CHD6: variants seen among roughly 807,000 people sequenced by gnomAD.
The protein encoded by CHD6 is chromodomain helicase DNA binding protein 6, also known as ATP-dependent chromatin remodeler CHD6.
In CHD6, 50 loss-of-function variants were observed where a neutral mutation model predicts 276.9. That is an observed-to-expected ratio of 0.18 (90% CI 0.14 to 0.23). The LOEUF (loss-of-function observed/expected upper bound fraction) is 0.23. Ranked by LOEUF, CHD6 falls within the 10% of genes least tolerant of loss-of-function variation. The pLI is 1.00. For synonymous variants in CHD6, 1,173 were observed against 1,229.3 expected (o/e 0.95, Z 0.96); for missense variants, 2,564 against 3,365.8 (o/e 0.76, Z 5.89).
intron 5 of CHD6, among the ~76,000 whole-genome samples, chr20:41,504,077 C>CAAAAAA (rs1189323419): frequency 0.017 from 469 of 27,084 alleles, 70 homozygotes; most frequent in African/African-American, 0.052. Flanking sequence ...GACTCTGTCT[C>CAAAAAA]AAAAAAAAAA....
chr20:41,448,775 C>G (rs1427422321), intron 23 of CHD6, among the ~76,000 whole-genome samples: 1 of 152,102 alleles, frequency 6.6e-6, no homozygotes, highest in African/African-American at 2.4e-5. Flanking sequence ...GTAGAAAGTG[C>G]CACTGTGGGC....
chr20:41,407,453 G>A (rs1158138486), intron 36 of CHD6, among the ~76,000 whole-genome samples: 1 of 152,360 alleles, frequency 6.6e-6, no homozygotes, highest in East Asian at 1.9e-4. Context: ...TCTCTGGGCT[G>A]AGACTGGCCA....
chr20:41,439,976 G>T (rs768061031), intron 26 of CHD6, 24 bp downstream of exon 26: 1 of 1,612,596 alleles, frequency 6.2e-7, no homozygotes, highest in Non-Finnish European at 8.5e-7. Context: ...TGTCACATGA[G>T]GGCTGGCCTA....
In CHD6 at chr20:41,403,829, TG is replaced by T; in HGVS notation, c.*763del. ...TGTAGCTCTACGGAGCGCGGGTCCTTGCCCCACCCCCGTCGACAGCAATAAC... is the reference window on the plus strand; with the variant it reads ...TGTAGCTCTACGGAGCGCGGGTCCTTCCCCACCCCCGTCGACAGCAATAAC... On this transcript the variant is annotated 3_prime_UTR_variant, in exon 37 of 37. Coordinates refer to ENST00000373233, the MANE Select transcript of CHD6 (RefSeq NM_032221.5). The T allele has an allele frequency of 9.5e-7, 1 of 1,057,096 alleles. No homozygotes were observed. The highest frequency in any genetic ancestry group is 1.1e-6 in the Non-Finnish European group (1 of 874,134). 65.5% of individuals were successfully genotyped at this position (1,057,096 alleles called of 1,614,324 possible).
At position 41,455,946 on chromosome 20, in the gene CHD6, G is replaced by C; in HGVS notation, c.2863C>G (p.Leu955Val). 1 of 1,592,070 alleles carries C rather than the reference G, an allele frequency of 6.3e-7. No homozygotes were observed. Among genetic ancestry groups the C allele is most frequent in the Non-Finnish European group, 8.5e-7 (1 of 1,170,554 alleles). The stretch of plus-strand genomic sequence containing the variant: ...GCTCCATAAGCACCTTTCCGGAGTA[G>C]GTCCTCCACCTCCATTTTTGAGAGC... ...QQLSKMEVED[L>V]LRKGAYGALM... Residue 955 changes from leucine (L) to valine (V), a missense_variant, in exon 19 of 37, where the codon CTA (leucine) becomes GTA (valine). Around this residue, in one of 7 missense-constraint regions of CHD6, gnomAD observed 457 missense variants for 889.0 expected, o/e 0.51. Coordinates refer to ENST00000373233, the MANE Select transcript of CHD6 (RefSeq NM_032221.5).
At chr20:41,563,756 C>T (rs1461513223) in intron 1 of CHD6, among the ~76,000 whole-genome samples, 1 of 152,050 alleles carries the variant, frequency 6.6e-6, no homozygotes, top group Non-Finnish European at 1.5e-5. Context: ...TGTTGTTGGT[C>T]CCTATGTCAT....
intron 1 of CHD6, among the ~76,000 whole-genome samples, chr20:41,592,699 T>C (rs1206358633): frequency 1.3e-5 from 2 of 152,162 alleles, no homozygotes; most frequent in African/African-American, 2.4e-5. Context: ...AAGAAGTCCA[T>C]GACTAAGGGA....
chr20:41,413,446 A>C lies in CHD6; in HGVS notation c.7009T>G (p.Ser2337Ala). The part of the protein sequence containing the change: ...THPEGPGPAT[S>A]APEPATAASS... ...GCTGCCGTAGCTGGCTCAGGAGCCGAGGTGGCAGGCCCTGGCCCCTCAGGG... is the reference window on the plus strand; with the variant it reads ...GCTGCCGTAGCTGGCTCAGGAGCCGCGGTGGCAGGCCCTGGCCCCTCAGGG... The change falls in exon 35 of 37, where the codon TCG becomes GCG. Residue 2337 changes from serine to alanine, a missense_variant. Coordinates refer to ENST00000373233, the MANE Select transcript of CHD6 (RefSeq NM_032221.5). 6.2e-7 allele frequency: 1 copy of C among 1,611,372 alleles called. No homozygotes were observed.
chr20:41,608,324 G>T (rs1298341530), intron 1 of CHD6, among the ~76,000 whole-genome samples: 3 of 151,980 alleles, frequency 2.0e-5, no homozygotes, highest in African/African-American at 7.3e-5. Context: ...TATGAGAGAG[G>T]GATGTGCCAA....
intron 3 of CHD6, among the ~76,000 whole-genome samples, chr20:41,529,282 CAT>C (rs1395233385): frequency 6.6e-6 from 1 of 152,152 alleles, no homozygotes; most frequent in Non-Finnish European, 1.5e-5. Context: ...GGTATATATA[CAT>C]ATACATATCT....
At position 41,498,209 on chromosome 20, in the gene CHD6, A is replaced by G. The variant is rs2043735237; in HGVS notation, c.933T>C (p.Pro311=). 6.2e-7 allele frequency: 1 copy of G among 1,611,758 alleles called. No homozygotes were observed. The highest frequency in any genetic ancestry group is 8.5e-7 in the Non-Finnish European group (1 of 1,179,102). The change falls in exon 7 of 37, where the codon CCT becomes CCC. Residue 311 remains proline, a synonymous_variant. Transcript: ENST00000373233. ...CGTAGAACAGCTCCAAGTCGAACGG[A>G]GGTTCTCCTGGGTGAACCTGTAACA... ...KTVQEVHPGE[P]PFDLELFYVK...
chr20:41,512,022 T>C (rs2044130036), intron 5 of CHD6, among the ~76,000 whole-genome samples: 1 of 152,098 alleles, frequency 6.6e-6, no homozygotes, highest in Non-Finnish European at 1.5e-5. Flanking sequence ...GGCTGGAGTA[T>C]AATGACGCGA....
At chr20:41,508,927 T>C (rs1179774031) in intron 5 of CHD6, among the ~76,000 whole-genome samples, 1 of 152,208 alleles carries the variant, frequency 6.6e-6, no homozygotes, top group Non-Finnish European at 1.5e-5. Context: ...GTTTATATAA[T>C]GAGTTTTAAA....
At chr20:41,562,008 A>G (rs567711884) in intron 1 of CHD6, among the ~76,000 whole-genome samples, 2 of 152,106 alleles carry the variant, frequency 1.3e-5, no homozygotes, top group Admixed American at 1.3e-4. Flanking sequence ...TTATTTCTTC[A>G]TAATTCCCTC....
intron 17 of CHD6, among the ~76,000 whole-genome samples, chr20:41,459,808 G>A (rs2048488610): frequency 6.6e-6 from 1 of 152,210 alleles, no homozygotes; most frequent in African/African-American, 2.4e-5. Flanking sequence ...ACAGTAAATT[G>A]GTACCAGTAA....
intron 4 of CHD6, among the ~76,000 whole-genome samples, 156 bp from the exon 5 acceptor site, chr20:41,513,151 T>C (rs1459543856): frequency 6.6e-6 from 1 of 152,192 alleles, no homozygotes; most frequent in Non-Finnish European, 1.5e-5. Context: ...ATAAAAGGAC[T>C]AAATTCAGTC....
chr20:41,578,627 C>G (rs1038457569), intron 1 of CHD6, among the ~76,000 whole-genome samples: 1 of 149,990 alleles, frequency 6.7e-6, no homozygotes, highest in African/African-American at 2.5e-5. Flanking sequence ...TCGCAGTGAG[C>G]CGAGATCGCA....
At chr20:41,585,362 G>T (rs534255937) in intron 1 of CHD6, among the ~76,000 whole-genome samples, 1 of 151,998 alleles carries the variant, frequency 6.6e-6, no homozygotes, top group African/African-American at 2.4e-5. Flanking sequence ...TTAGCCAGGC[G>T]TGGGGAGCAT....
chr20:41,477,827 G>T (rs927469271), intron 16 of CHD6, among the ~76,000 whole-genome samples: 1 of 152,188 alleles, frequency 6.6e-6, no homozygotes, highest in Admixed American at 6.5e-5. Flanking sequence ...TAAAAACAGG[G>T]AAACTGGTGG....
Sources: allele counts gnomAD v4.1 joint callset (sites outside exome capture counted in the v4.1 genomes callset), GRCh38; gene constraint gnomAD v4.1.1; regional missense constraint gnomAD v4.1.1; transcripts MANE v1.5; gene names NCBI Gene and HGNC (gene_info 2026-07-23, HGNC 2026-07-21).